The following ARHGAP40 variants were observed in gnomAD, a reference collection of about 807,000 sequenced individuals.
The protein encoded by ARHGAP40 is Rho GTPase activating protein 40.
Under a neutral mutation model 73.5 loss-of-function variants are expected in ARHGAP40, and 43 were observed. The observed-to-expected ratio is 0.58, with a 90% CI of 0.46 to 0.75. The LOEUF (loss-of-function observed/expected upper bound fraction) is 0.75, where lower values mean the gene tolerates loss of function less well. Ranked by LOEUF, ARHGAP40 falls within the 30% of genes least tolerant of loss-of-function variation. The pLI, the probability that ARHGAP40 is intolerant of heterozygous loss-of-function variation, is 0.00. For missense variants in ARHGAP40, 734 were observed against 861.8 expected (o/e 0.85, Z 1.86); for synonymous variants, 300 against 352.8 (o/e 0.85, Z 1.68).
At chr20:38,630,999 C>T (rs1454108781) in intron 5 of ARHGAP40, among the ~76,000 whole-genome samples, 5 of 152,190 alleles carry the variant, frequency 3.3e-5, no homozygotes, top group African/African-American at 1.2e-4. Context: ...TCATTGCTCC[C>T]TGACTATATG....
chr20:38,608,673 C>A (rs1443129640), intron 1 of ARHGAP40, among the ~76,000 whole-genome samples: 1 of 152,068 alleles, frequency 6.6e-6, no homozygotes, highest in Non-Finnish European at 1.5e-5. Context: ...GACTTAGGGC[C>A]ACAAATTTAG....
intron 2 of ARHGAP40, among the ~76,000 whole-genome samples, chr20:38,625,401 T>TCC (rs1555791786): frequency 1.3e-5 from 2 of 151,726 alleles, no homozygotes; most frequent in African/African-American, 4.9e-5. Context: ...TTTTTTTTTT[T>TCC]CCTTTCTTTT....
chr20:38,619,867 C>A (rs1016602660), intron 1 of ARHGAP40, among the ~76,000 whole-genome samples: 1 of 151,782 alleles, frequency 6.6e-6, no homozygotes, highest in African/African-American at 2.4e-5. Flanking sequence ...GGAGTCAAGG[C>A]ATTTAAGGGC....
At chr20:38,643,320 T>C (rs2089030690) in intron 10 of ARHGAP40, among the ~76,000 whole-genome samples, 1 of 152,242 alleles carries the variant, frequency 6.6e-6, no homozygotes, top group South Asian at 2.1e-4. Context: ...GCATCTCTGC[T>C]TCTCTATTCC....
intron 5 of ARHGAP40, among the ~76,000 whole-genome samples, chr20:38,633,112 G>A (rs1009499769): frequency 1.4e-5 from 2 of 146,086 alleles, no homozygotes; most frequent in Non-Finnish European, 3.0e-5. Flanking sequence ...GGCAGAGTGA[G>A]ACTCCGTCTC....
rs114785388 is a variant in ARHGAP40 at position 38,629,760 on chromosome 20, A to C, written c.783+110A>C. 3.4e-4 allele frequency: 385 copies of C among 1,136,246 alleles called. 1 individual carries two copies. In the African/African-American group the frequency reaches 5.4e-3, roughly 16 times the overall value. 70.4% of individuals were successfully genotyped at this position (1,136,246 alleles called of 1,614,324 possible). A position where few individuals can be genotyped will look rare whatever the true frequency, so the allele number is the denominator to read the frequency against. ...ACAGGCATCCAGCACAAAAGTTGTTAATTCATTCATTCATTTAATTCGTAC... is the reference window on the plus strand; with the variant it reads ...ACAGGCATCCAGCACAAAAGTTGTTCATTCATTCATTCATTTAATTCGTAC... On this transcript the variant is annotated intron_variant, in intron 5 of 14. Coordinates refer to ENST00000373345, the Ensembl canonical transcript of ARHGAP40.
rs572545203 is a variant in ARHGAP40, at chr20:38,650,596, T to A, written c.*748T>A. On this transcript the variant is annotated 3_prime_UTR_variant, in exon 15 of 15. Transcript: ENST00000373345. ...TGTACAATCTTGTCATTTTGTAATATGATATAATATGTAAACGTAATTGTT... is the reference window on the plus strand; with the variant it reads ...TGTACAATCTTGTCATTTTGTAATAAGATATAATATGTAAACGTAATTGTT... 4 of 469,652 alleles carry A rather than the reference T, an allele frequency of 8.5e-6. No individual in the cohort carries two copies. The Admixed American group carries it at 9.4e-5, about 11-fold the overall frequency. 29.1% of individuals were successfully genotyped at this position (469,652 alleles called of 1,614,324 possible). A position where few individuals can be genotyped will look rare whatever the true frequency, so the allele number is the denominator to read the frequency against.
intron 1 of ARHGAP40, among the ~76,000 whole-genome samples, chr20:38,605,145 G>A (rs77706231): frequency 7.2e-5 from 11 of 152,234 alleles, no homozygotes; most frequent in African/African-American, 2.2e-4. Flanking sequence ...ATGTAAGCCC[G>A]GATCTGTTCT....
In ARHGAP40 at chr20:38,646,389, G is replaced by T. The variant is rs949007262; in HGVS notation, c.1710+202G>T. ...CGAGGGCTTAGAAGCGGGTTGGGGA[G>T]GGGAAATGGAGTGACTCGGAGACTT... On this transcript the variant is annotated intron_variant, in intron 12 of 14. Coordinates refer to ENST00000373345, the Ensembl canonical transcript of ARHGAP40. This position sits in a 1 kb window ranked among gnomAD's most constrained non-coding sequence, Gnocchi z 4.5. Among the ~76,000 whole-genome samples, 1 of 152,230 alleles carries T rather than the reference G, an allele frequency of 6.6e-6. No homozygotes were observed. The highest frequency in any genetic ancestry group is 1.5e-5 in the Non-Finnish European group (1 of 68,034).
intron 1 of ARHGAP40, among the ~76,000 whole-genome samples, chr20:38,617,302 G>A (rs759930978): frequency 1.6e-4 from 25 of 152,312 alleles, no homozygotes; most frequent in Non-Finnish European, 2.8e-4. Flanking sequence ...TTGCTTCTGT[G>A]GCTCTCAGCT....
chr20:38,602,324 GCCT>G lies in ARHGAP40; in HGVS notation c.137+249_137+251del, dbSNP rs149174383. On this transcript the variant is annotated intron_variant, in intron 1 of 14. Coordinates refer to ENST00000373345, the Ensembl canonical transcript of ARHGAP40. ...GCATTGCCCTGGGTTCAGGCTACTG[GCCT>G]CCTGCAGGGGTCACTGATTTTCAGA... is the stretch of plus-strand genomic sequence containing the variant. Among the ~76,000 whole-genome samples, 687 of 152,288 alleles carry G rather than the reference GCCT, an allele frequency of 4.5e-3. 5 individuals carry two copies. The highest frequency in any genetic ancestry group is 0.016 in the African/African-American group (655 of 41,546).
chr20:38,647,178 G>C, intron 13 of ARHGAP40, 52 bp downstream of exon 13: 4 of 1,259,072 alleles, frequency 3.2e-6, no homozygotes, highest in Non-Finnish European at 4.1e-6. Flanking sequence ...GGAGGGCTCT[G>C]CACCCCAGAG....
intron 9 of ARHGAP40, among the ~76,000 whole-genome samples, chr20:38,640,601 C>T (rs1568611290): frequency 6.6e-6 from 1 of 152,150 alleles, no homozygotes; most frequent in Non-Finnish European, 1.5e-5. Flanking sequence ...TAATAAGATT[C>T]CACTTCTTAC....
In ARHGAP40 at chr20:38,622,654, G is replaced by A. The variant is rs558465737; in HGVS notation, c.138-705G>A. On this transcript the variant is annotated intron_variant, in intron 1 of 14. Coordinates refer to ENST00000373345, the Ensembl canonical transcript of ARHGAP40. ...CTGGATCATGAAAGGCTGCAACTGG[G>A]ACCTGGAAAATCAAGCTTAGGTTAC... Among the ~76,000 whole-genome samples the A allele has an allele frequency of 2.0e-5, 3 of 152,274 alleles. No individual in the cohort carries two copies. The South Asian group carries it at 6.2e-4, about 32-fold the overall frequency.
chr20:38,609,745 CTCCAGGGCAAGAG>C (rs1049327456), intron 1 of ARHGAP40, among the ~76,000 whole-genome samples: 10 of 152,350 alleles, frequency 6.6e-5, no homozygotes, highest in African/African-American at 2.2e-4. Flanking sequence ...CTGGGCAAAA[CTCCAGGGCAAGAG>C]GGAGCCTGGT....
intron 11 of ARHGAP40, among the ~76,000 whole-genome samples, chr20:38,644,240 G>A (rs1354576675): frequency 1.3e-5 from 2 of 152,064 alleles, no homozygotes; most frequent in Admixed American, 6.5e-5. Flanking sequence ...TGAGGCCCAG[G>A]ATCACAGGGC....
chr20:38,649,730 A>T, intron 14 of ARHGAP40, 27 bp from the exon 15 acceptor site: 2 of 1,259,348 alleles, frequency 1.6e-6, no homozygotes, highest in Non-Finnish European at 2.1e-6. Context: ...CCTCCCACTC[A>T]ACCTCCTTCA....
At chr20:38,616,908 C>T (rs1018855322) in intron 1 of ARHGAP40, among the ~76,000 whole-genome samples, 1 of 151,874 alleles carries the variant, frequency 6.6e-6, no homozygotes, top group African/African-American at 2.4e-5. Context: ...ATCCTCCTGA[C>T]ATGCTGTTAG....
At chr20:38,615,246 G>GA in intron 1 of ARHGAP40, 2 of 771,806 alleles carry the variant, frequency 2.6e-6, no homozygotes, top group Non-Finnish European at 4.8e-6. Flanking sequence ...TTTCATTCAT[G>GA]ATCCCTCATC....
Sources: allele counts gnomAD v4.1 joint callset (sites outside exome capture counted in the v4.1 genomes callset), GRCh38; gene constraint gnomAD v4.1.1; non-coding constraint Gnocchi (gnomAD v3.1); transcripts MANE v1.5; gene names NCBI Gene and HGNC (gene_info 2026-07-23, HGNC 2026-07-21).